Variants in ZNF540 observed in about 807,000 individuals in gnomAD.
ZNF540 encodes CTD-3064H18.6.
ZNF540 carries 3 observed loss-of-function variants against 11.8 expected under a neutral mutation model. The observed-to-expected ratio is 0.25, with a 90% CI of 0.12 to 0.65. The LOEUF is 0.65. ZNF540 is among the 30% of genes least tolerant of loss of function. The probability of loss-of-function intolerance (pLI) is 0.83; values close to 1 mark genes in which losing one functional copy is unlikely to be tolerated. For synonymous variants in ZNF540, 247 were observed against 259.0 expected (o/e 0.95, Z 0.45); for missense variants, 709 against 793.1 (o/e 0.89, Z 1.27).
Position 37,613,523 on chromosome 19 carries a change from G to A in ZNF540, c.*260G>A. The A allele has an allele frequency of 2.5e-6, 1 of 395,402 alleles. No homozygotes were observed. 24.5% of individuals were successfully genotyped at this position (395,402 alleles called of 1,614,324 possible). On this transcript the variant is annotated 3_prime_UTR_variant, in exon 5 of 5. Coordinates refer to ENST00000316433, the MANE Select transcript of ZNF540 (RefSeq NM_001172225.3). ...CTTTCCACTACTCTACTATCTGTGT[G>A]ATATTAGACAAAATATTTGCTTCTT...
chr19:37,612,107 G>A lies in ZNF540; in HGVS notation c.827G>A (p.Cys276Tyr), dbSNP rs1187516485. 1.9e-6 allele frequency: 3 copies of A among 1,611,504 alleles called. No individual in the cohort carries two copies. Among genetic ancestry groups the A allele is most frequent in the East Asian group, 2.2e-5 (1 of 44,848 alleles). ...AAAAAACCCTATATGTGTAAGAAATGTGATAAGGGTTTTTTTAGTAGATTA... is the reference window on the plus strand; with the variant it reads ...AAAAAACCCTATATGTGTAAGAAATATGATAAGGGTTTTTTTAGTAGATTA... ...TGKKPYMCKK[C>Y]DKGFFSRLEL... Residue 276 changes from cysteine to tyrosine, a missense_variant, in exon 5 of 5, where the codon TGT becomes TAT. Coordinates refer to ENST00000316433, the MANE Select transcript of ZNF540 (RefSeq NM_001172225.3).
At chr19:37,562,368 C>G (rs554143062) in intron 1 of ZNF540, 1 of 145,854 alleles carries the variant, frequency 6.9e-6, no homozygotes, top group Admixed American at 6.9e-5. Flanking sequence ...GCAACAAGAG[C>G]GAAACTCCGT....
At chr19:37,609,318 C>T (rs570563550) in intron 4 of ZNF540, among the ~76,000 whole-genome samples, 2 of 151,632 alleles carry the variant, frequency 1.3e-5, no homozygotes, top group East Asian at 1.9e-4. Context: ...CCGAGGTGGG[C>T]GGATCACAAG....
At chr19:37,592,424 A>G (rs1277482129), upstream of ZNF540, among the ~76,000 whole-genome samples, 1 of 152,194 alleles carries the variant, frequency 6.6e-6, no homozygotes, top group Non-Finnish European at 1.5e-5. Flanking sequence ...GATATACTGT[A>G]TATATGTTTA....
upstream of ZNF540, among the ~76,000 whole-genome samples, chr19:37,591,112 T>C (rs1351809611): frequency 1.3e-5 from 2 of 152,210 alleles, no homozygotes; most frequent in Non-Finnish European, 1.5e-5. Context: ...TTAGCTTTGT[T>C]CCCTGAAATG....
At chr19:37,582,676 C>T (rs977498094) in intron 1 of ZNF540, among the ~76,000 whole-genome samples, 1 of 152,184 alleles carries the variant, frequency 6.6e-6, no homozygotes, top group Non-Finnish European at 1.5e-5. Context: ...TCTTGACTTC[C>T]TTCTCCAGCC....
chr19:37,553,653 C>T (rs965784821), intron 1 of ZNF540, among the ~76,000 whole-genome samples: 1 of 151,968 alleles, frequency 6.6e-6, no homozygotes, highest in Non-Finnish European at 1.5e-5. Flanking sequence ...ATTTTGAGTG[C>T]TTTTTTTCCT....
chr19:37,577,371 C>A (rs1373972750), intron 1 of ZNF540, among the ~76,000 whole-genome samples: 1 of 152,166 alleles, frequency 6.6e-6, no homozygotes, highest in South Asian at 2.1e-4. Flanking sequence ...TTGAACCAAA[C>A]CTAGCCCCAA....
chr19:37,613,054 G>A lies in ZNF540; in HGVS notation c.1774G>A (p.Val592Ile). 2 of 1,613,980 alleles carry A rather than the reference G, an allele frequency of 1.2e-6. No individual in the cohort carries two copies. The highest frequency in any genetic ancestry group is 8.5e-7 in the Non-Finnish European group (1 of 1,179,962). The stretch of plus-strand genomic sequence containing the variant: ...ATGTGGGAAGGCCTTTAGTCGTAGT[G>A]TAGACCTTAGAATACATCAAAGAAT... ...KECGKAFSRSVDLRIHQRIHT... is the reference protein window; with the variant it reads ...KECGKAFSRSIDLRIHQRIHT... Residue 592 changes from valine (V) to isoleucine (I), a missense_variant, in exon 5 of 5, where the codon GTA becomes ATA. Val to Ile is a conservative substitution (Grantham distance 29, BLOSUM62 3). Coordinates refer to ENST00000316433, the MANE Select transcript of ZNF540 (RefSeq NM_001172225.3).
At chr19:37,566,666 T>C (rs1471646155) in intron 1 of ZNF540, among the ~76,000 whole-genome samples, 2 of 152,106 alleles carry the variant, frequency 1.3e-5, no homozygotes, top group Non-Finnish European at 2.9e-5. Context: ...TCTGACCACC[T>C]CTACTACCAC....
At position 37,613,251 on chromosome 19, in the gene ZNF540, T is replaced by C; in HGVS notation, c.1971T>C (p.His657=). ...YSHLYQHQKT[H]NVI Reference sequence around the variant, plus strand: ...ATCTTTATCAACATCAGAAAACTCATAATGTAATTTAATATAAGAAAAGGT... The same window carrying C: ...ATCTTTATCAACATCAGAAAACTCACAATGTAATTTAATATAAGAAAAGGT... The change falls in exon 5 of 5, where the codon CAT becomes CAC. Residue 657 remains histidine (H), a synonymous_variant. Transcript: ENST00000316433. The C allele has an allele frequency of 6.7e-7, 1 of 1,492,614 alleles. No individual in the cohort carries two copies. Among genetic ancestry groups the C allele is most frequent in the Non-Finnish European group, 8.9e-7 (1 of 1,119,998 alleles). The allele number at this position is 1,492,614 out of a possible 1,614,324, so 92.5% of individuals were successfully genotyped here.
At chr19:37,576,387 A>G (rs113585336) in intron 1 of ZNF540, among the ~76,000 whole-genome samples, 33 of 152,336 alleles carry the variant, frequency 2.2e-4, no homozygotes, top group Non-Finnish European at 4.1e-4. Context: ...CATTCTAGTG[A>G]GAATGTCCTC....
chr19:37,583,344 A>C (rs2043542734), intron 1 of ZNF540: 1 of 152,290 alleles, frequency 6.6e-6, no homozygotes, highest in African/African-American at 2.4e-5. Context: ...CATTGTCCCC[A>C]AAAGAGATCA....
chr19:37,609,046 G>A (rs911731226), intron 4 of ZNF540, among the ~76,000 whole-genome samples: 4 of 152,072 alleles, frequency 2.6e-5, no homozygotes, highest in Admixed American at 2.0e-4. Flanking sequence ...TAGTCTCCCA[G>A]CCATCTCTTC....
At chr19:37,591,409 A>G (rs2043863906), upstream of ZNF540, among the ~76,000 whole-genome samples, 2 of 152,262 alleles carry the variant, frequency 1.3e-5, no homozygotes, top group Admixed American at 6.5e-5. Context: ...AATGATCACA[A>G]TAGTTCGAAA....
At chr19:37,565,684 C>A in intron 1 of ZNF540, 1 of 1,613,760 alleles carries the variant, frequency 6.2e-7, no homozygotes, top group Non-Finnish European at 8.5e-7. Flanking sequence ...CATATGGTTT[C>A]TCTCCTGTAT....
intron 1 of ZNF540, among the ~76,000 whole-genome samples, chr19:37,583,087 A>G (rs911197037): frequency 2.6e-5 from 4 of 152,126 alleles, no homozygotes; most frequent in Admixed American, 6.5e-5. Context: ...CTGATTCTCA[A>G]ACAAGTGAAG....
At chr19:37,566,477 G>A (rs867802469) in intron 1 of ZNF540, 2 of 634,356 alleles carry the variant, frequency 3.2e-6, no homozygotes, top group Non-Finnish European at 5.0e-6. Flanking sequence ...GAGCTTATAG[G>A]AAAGAAGGTA....
intron 4 of ZNF540, among the ~76,000 whole-genome samples, chr19:37,610,537 C>A (rs2044120091): frequency 6.6e-6 from 1 of 152,118 alleles, no homozygotes; most frequent in South Asian, 2.1e-4. Flanking sequence ...GATATTTAAC[C>A]AACCATTAAG....
Sources: allele counts gnomAD v4.1 joint callset (sites outside exome capture counted in the v4.1 genomes callset), GRCh38; gene constraint gnomAD v4.1.1; transcripts MANE v1.5; gene names NCBI Gene and HGNC (gene_info 2026-07-23, HGNC 2026-07-21).